DIP2C: variants seen among roughly 807,000 people sequenced by gnomAD.
DIP2C encodes DIP2 acetate--CoA ligase C (putative), also known as disco-interacting protein 2 homolog C.
A neutral mutation model predicts 192.4 loss-of-function variants in DIP2C; 33 were observed. The observed-to-expected ratio is 0.17, with a 90% CI of 0.13 to 0.23. The LOEUF (loss-of-function observed/expected upper bound fraction) is 0.23, where lower values mean the gene tolerates loss of function less well. Ranked by LOEUF, DIP2C falls within the 10% of genes least tolerant of loss-of-function variation. The pLI, the probability that DIP2C is intolerant of heterozygous loss-of-function variation, is 1.00. For synonymous variants in DIP2C, 979 were observed against 864.1 expected, an observed-to-expected ratio of 1.13 and a Z score of -2.33; for missense variants, 1,537 against 2,110.1, an observed-to-expected ratio of 0.73 and a Z score of 5.32.
chr10:376,557 CTTT>C (rs61541768), intron 17 of DIP2C, among the ~76,000 whole-genome samples: 5 of 135,290 alleles, frequency 3.7e-5, no homozygotes, highest in Admixed American at 7.4e-5. Flanking sequence ...GAGGAAGTGT[CTTT>C]TTTTTTTTTT....
intron 22 of DIP2C, among the ~76,000 whole-genome samples, chr10:360,870 G>A (rs976286087): frequency 6.6e-5 from 10 of 152,170 alleles, no homozygotes; most frequent in Non-Finnish European, 1.3e-4. Context: ...TCAGAACACT[G>A]TCACCCACAA....
At chr10:660,970 T>C (rs969195392) in intron 1 of DIP2C, among the ~76,000 whole-genome samples, 1 of 152,202 alleles carries the variant, frequency 6.6e-6, no homozygotes, top group African/African-American at 2.4e-5. Context: ...GCCAAAAATA[T>C]ACGAGGCATT....
intron 1 of DIP2C, among the ~76,000 whole-genome samples, chr10:544,779 TTTC>T (rs1227782718): frequency 1.3e-5 from 2 of 152,244 alleles, no homozygotes; most frequent in East Asian, 3.8e-4. Context: ...TAAATTGGAT[TTTC>T]TTTTCATTGC....
At chr10:594,053 AACTC>A (rs528246599) in intron 1 of DIP2C, among the ~76,000 whole-genome samples, 15 of 152,284 alleles carry the variant, frequency 9.9e-5, no homozygotes, top group South Asian at 2.1e-4. Flanking sequence ...TCATTATCAC[AACTC>A]ACTAACAGAG....
intron 3 of DIP2C, among the ~76,000 whole-genome samples, chr10:454,624 C>T (rs767497794): frequency 6.6e-5 from 8 of 120,746 alleles, no homozygotes; most frequent in East Asian, 2.1e-4. Flanking sequence ...CAGCACCCTT[C>T]GAACCCCTCA....
intron 1 of DIP2C, among the ~76,000 whole-genome samples, chr10:539,368 G>GT (rs1429151351): frequency 5.3e-5 from 8 of 152,088 alleles, no homozygotes; most frequent in African/African-American, 1.9e-4. Context: ...AAACAATATA[G>GT]TTTAACAACT....
At chr10:308,960 G>A (rs1213030014) in intron 32 of DIP2C, among the ~76,000 whole-genome samples, 1 of 152,186 alleles carries the variant, frequency 6.6e-6, no homozygotes, top group African/African-American at 2.4e-5. Context: ...CCCAACTTGT[G>A]CTGATCGAAA....
chr10:378,026 T>C (rs1564634651), intron 17 of DIP2C, among the ~76,000 whole-genome samples: 1 of 152,188 alleles, frequency 6.6e-6, no homozygotes, highest in Admixed American at 6.5e-5. Context: ...CAGAGTCAGA[T>C]GGCAGGAGAT....
chr10:528,201 T>TTACC lies in DIP2C; in HGVS notation c.86-41675_86-41672dup, dbSNP rs1202167450. On this transcript the variant is annotated intron_variant, in intron 1 of 36. Transcript: ENST00000280886. ...TGCAGAGTCCCTGGTCACAGCATCC[T>TTACC]TACCTACCCTAGTCAGGAGCCATTC... 3.3e-5 allele frequency among the ~76,000 whole-genome samples: 5 copies of TTACC among 152,064 alleles called. No homozygotes were observed. The East Asian group carries it at 9.6e-4, about 29-fold the overall frequency.
At chr10:575,433 G>A (rs1245495952) in intron 1 of DIP2C, among the ~76,000 whole-genome samples, 1 of 152,222 alleles carries the variant, frequency 6.6e-6, no homozygotes, top group Non-Finnish European at 1.5e-5. Context: ...CTGGGATCAA[G>A]TGTGCTGAGG....
rs886691051 is a variant in DIP2C, at chr10:548,214, C to CG, written c.86-61685_86-61684insC. 5.7e-5 allele frequency among the ~76,000 whole-genome samples: 7 copies of CG among 122,970 alleles called. 1 individual carries two copies. The East Asian group carries it at 1.3e-3, about 22-fold the overall frequency. 80.7% of individuals were successfully genotyped at this position (122,970 alleles called of 152,430 possible). A position where few individuals can be genotyped will look rare whatever the true frequency, so the allele number is the denominator to read the frequency against. ...ATTCACACGAGTCTGCCCCACCCCCCCCCCCACAGGAAAGCCCTGGTGGTC... is the reference window on the plus strand; with the variant it reads ...ATTCACACGAGTCTGCCCCACCCCCCGCCCCCACAGGAAAGCCCTGGTGGTC... On this transcript the variant is annotated intron_variant, in intron 1 of 36. Coordinates refer to ENST00000280886, the MANE Select transcript of DIP2C (RefSeq NM_014974.3).
chr10:506,938 T>C (rs1845630671), intron 1 of DIP2C, among the ~76,000 whole-genome samples: 1 of 151,108 alleles, frequency 6.6e-6, no homozygotes, highest in South Asian at 2.1e-4. Context: ...ATCAGAGGTG[T>C]GAGGGCATGG....
chr10:541,693 C>T (rs1453045345), intron 1 of DIP2C, among the ~76,000 whole-genome samples: 1 of 149,456 alleles, frequency 6.7e-6, no homozygotes, highest in Non-Finnish European at 1.5e-5. Flanking sequence ...AGTGACCCTC[C>T]ACCTGACCAC....
At chr10:680,771 T>C (rs1459041128) in intron 1 of DIP2C, among the ~76,000 whole-genome samples, 1 of 152,082 alleles carries the variant, frequency 6.6e-6, no homozygotes, top group East Asian at 1.9e-4. Context: ...TTCCTGGGAG[T>C]GGTAAAGTCA....
rs182115468 is a variant in DIP2C at position 598,104 on chromosome 10, C to A, written c.85+91390G>T. Among the ~76,000 whole-genome samples the A allele has an allele frequency of 2.6e-4, 40 of 152,362 alleles. No individual in the cohort carries two copies. The East Asian group carries it at 6.0e-3, about 23-fold the overall frequency. ...GTCTGCAGGACACGCGTGGACAAGG[C>A]TGATGGATCACGGCCTCCCACGAGG... On this transcript the variant is annotated intron_variant, in intron 1 of 36. Coordinates refer to ENST00000280886, the MANE Select transcript of DIP2C (RefSeq NM_014974.3).
chr10:507,456 C>T (rs773510482), intron 1 of DIP2C, among the ~76,000 whole-genome samples: 1 of 149,394 alleles, frequency 6.7e-6, no homozygotes, highest in Non-Finnish European at 1.5e-5. Context: ...TGCACAGAGG[C>T]GTGAGGTTAC....
chr10:502,948 C>A (rs536161577), intron 1 of DIP2C, among the ~76,000 whole-genome samples: 9 of 152,170 alleles, frequency 5.9e-5, no homozygotes, highest in African/African-American at 2.2e-4. Flanking sequence ...CACTGACCTG[C>A]GGACTTACCA....
At chr10:563,849 A>G (rs952720410) in intron 1 of DIP2C, among the ~76,000 whole-genome samples, 1 of 152,238 alleles carries the variant, frequency 6.6e-6, no homozygotes, top group Non-Finnish European at 1.5e-5. Flanking sequence ...CCAATAGTCA[A>G]TTAAGAAGCA....
chr10:289,849 C>T (rs1449355490), intron 32 of DIP2C, among the ~76,000 whole-genome samples: 1 of 152,210 alleles, frequency 6.6e-6, no homozygotes, highest in Admixed American at 6.5e-5. Flanking sequence ...TGGCACCGGC[C>T]TGACGTCCTC....
Sources: gnomAD v4.1 joint callset for allele counts (sites outside exome capture counted in the v4.1 genomes callset) on GRCh38, gnomAD v4.1.1 for gene constraint, MANE v1.5 for transcripts, NCBI Gene and HGNC (gene_info 2026-07-23, HGNC 2026-07-21) for gene names.